Variants in PCDHA1 observed in about 807,000 individuals in gnomAD.
The protein encoded by PCDHA1 is protocadherin alpha 1, also known as protocadherin alpha-1.
PCDHA1 carries 42 observed loss-of-function variants against 61.3 expected under a neutral mutation model. The observed-to-expected ratio is 0.69, with a 90% CI of 0.54 to 0.89. The LOEUF is 0.89. PCDHA1 is among the 40% of genes least tolerant of loss of function. PCDHA1 has a pLI of 0.00. For missense variants in PCDHA1, 1,256 were observed against 1,235.3 expected, an observed-to-expected ratio of 1.02 and a Z score of -0.25; for synonymous variants, 610 against 553.8, an observed-to-expected ratio of 1.10 and a Z score of -1.43.
At chr5:140,803,232 T>C in intron 1 of PCDHA1, 1 of 1,613,820 alleles carries the variant, frequency 6.2e-7, no homozygotes, top group African/African-American at 1.3e-5. Context: ...ACCCAAGGCC[T>C]CGTCCCAGGC....
At chr5:140,923,664 T>C (rs898223251) in intron 1 of PCDHA1, among the ~76,000 whole-genome samples, 1 of 152,234 alleles carries the variant, frequency 6.6e-6, no homozygotes, top group Non-Finnish European at 1.5e-5. Context: ...CTTTGGGATA[T>C]CGTTCTCTCT....
chr5:140,942,237 T>C (rs2153657846), intron 1 of PCDHA1, among the ~76,000 whole-genome samples: 1 of 152,214 alleles, frequency 6.6e-6, no homozygotes, highest in East Asian at 1.9e-4. Context: ...GCAAATAAGA[T>C]ATCCATATCA....
intron 1 of PCDHA1, chr5:140,871,538 ATTATTTAAAATCCAGTTTTTT>A (rs2053161122): frequency 1.3e-5 from 20 of 1,507,314 alleles, no homozygotes; most frequent in Non-Finnish European, 1.8e-5. Context: ...TGTATGTGAA[ATTATTTAAAATCCAGTTTTTT>A]TTCACGGATT....
chr5:140,803,100 C>A, intron 1 of PCDHA1: 2 of 1,613,876 alleles, frequency 1.2e-6, no homozygotes, highest in African/African-American at 1.3e-5. Flanking sequence ...CAGCACGACC[C>A]GTGCCCTGGA....
intron 1 of PCDHA1, chr5:140,803,214 G>T: frequency 6.2e-7 from 1 of 1,613,866 alleles, no homozygotes. Flanking sequence ...GGTGGAGAGT[G>T]GCCAGGCACC....
At chr5:140,819,922 A>G (rs1766652146) in intron 1 of PCDHA1, among the ~76,000 whole-genome samples, 1 of 152,032 alleles carries the variant, frequency 6.6e-6, no homozygotes, top group African/African-American at 2.4e-5. Context: ...TGTTAATACT[A>G]CATTGTTAAT....
At position 140,837,471 on chromosome 5, in the gene PCDHA1, C is replaced by T. The variant is rs2150275751; in HGVS notation, c.2394+48787C>T. Among the ~76,000 whole-genome samples, 442 of 151,506 alleles carry T rather than the reference C, an allele frequency of 2.9e-3. 6 individuals are homozygous for T. The highest frequency in any genetic ancestry group is 0.01 in the African/African-American group (420 of 41,194). On this transcript the variant is annotated intron_variant, in intron 1 of 3. Coordinates refer to ENST00000504120, the MANE Select transcript of PCDHA1 (RefSeq NM_018900.4). ...TAAAAAATCTCCTTGCCTCCTCAAA[C>T]CCCAAACCATTTACTTTACCTTTCT... is the stretch of plus-strand genomic sequence containing the variant.
intron 1 of PCDHA1, 122 bp downstream of exon 1, chr5:140,788,806 A>G (rs1390726047): frequency 7.0e-7 from 1 of 1,429,304 alleles, no homozygotes; most frequent in African/African-American, 1.4e-5. Context: ...AATAAATCAT[A>G]CCATTGAATG....
intron 1 of PCDHA1, chr5:140,843,364 G>A: frequency 3.1e-6 from 5 of 1,596,132 alleles, no homozygotes; most frequent in Non-Finnish European, 4.3e-6. Context: ...CGTCATCGAG[G>A]CAGTCGGCTG....
chr5:140,797,826 G>T (rs1762267458), intron 1 of PCDHA1, among the ~76,000 whole-genome samples: 1 of 151,902 alleles, frequency 6.6e-6, no homozygotes, highest in East Asian at 1.9e-4. Context: ...CCTTGTCTAT[G>T]CAATAGTTAA....
chr5:140,879,468 C>T (rs1302590030), intron 1 of PCDHA1, among the ~76,000 whole-genome samples: 2 of 152,006 alleles, frequency 1.3e-5, no homozygotes, highest in African/African-American at 4.8e-5. Context: ...AAGAGAATAC[C>T]GTTGTGATTG....
At chr5:140,969,112 A>G (rs781784282) in intron 1 of PCDHA1, 4 of 1,614,022 alleles carry the variant, frequency 2.5e-6, no homozygotes, top group Admixed American at 3.3e-5. Context: ...TTGAAGTTCG[A>G]GGGAATGGCT....
chr5:140,906,962 C>T (rs1554192812), intron 1 of PCDHA1, among the ~76,000 whole-genome samples: 2 of 152,146 alleles, frequency 1.3e-5, no homozygotes, highest in South Asian at 4.1e-4. Context: ...TTAATGGAAT[C>T]GTGGTTGTGT....
intron 1 of PCDHA1, chr5:140,835,872 C>T: frequency 6.2e-7 from 1 of 1,612,050 alleles, no homozygotes; most frequent in Non-Finnish European, 8.5e-7. Flanking sequence ...GCTGGTGGAG[C>T]TGCGGGTGGG....
At chr5:140,854,909 G>C (rs1295662316) in intron 1 of PCDHA1, among the ~76,000 whole-genome samples, 1 of 149,376 alleles carries the variant, frequency 6.7e-6, no homozygotes, top group Non-Finnish European at 1.5e-5. Flanking sequence ...AATATAACAG[G>C]GTTGAAAGCA....
intron 1 of PCDHA1, chr5:140,805,368 C>A: frequency 8.6e-7 from 1 of 1,156,780 alleles, no homozygotes; most frequent in Non-Finnish European, 1.1e-6. Context: ...TGGGTCCCCA[C>A]ATAGTGAAAG....
In PCDHA1 at chr5:140,797,366, T is replaced by C. The variant is rs1554120419; in HGVS notation, c.2394+8682T>C. ...TACGTAGGAAAGGTGAGTCTTTTAC[T>C]TTTTCTTGCCAATTCTAAAATTGTT... On this transcript the variant is annotated intron_variant, in intron 1 of 3. Coordinates refer to ENST00000504120, the MANE Select transcript of PCDHA1 (RefSeq NM_018900.4). 4 of 1,608,946 alleles carry C rather than the reference T, an allele frequency of 2.5e-6. No individual in the cohort carries two copies. In the East Asian group the frequency reaches 8.9e-5, roughly 36 times the overall value.
chr5:140,794,945 C>G (rs1369206087), intron 1 of PCDHA1: 32 of 1,589,506 alleles, frequency 2.0e-5, no homozygotes, highest in Non-Finnish European at 2.7e-5. Flanking sequence ...CTAATTTGAT[C>G]AAAACATTGA....
chr5:140,958,035 T>G (rs1284725890), intron 1 of PCDHA1, among the ~76,000 whole-genome samples: 2 of 152,120 alleles, frequency 1.3e-5, no homozygotes, highest in African/African-American at 4.8e-5. Context: ...ATGCTTTCTT[T>G]GCTTGTGATA....
Sources: allele counts gnomAD v4.1 joint callset (sites outside exome capture counted in the v4.1 genomes callset), GRCh38; gene constraint gnomAD v4.1.1; transcripts MANE v1.5; gene names NCBI Gene and HGNC (gene_info 2026-07-23, HGNC 2026-07-21).